The following BTBD9 variants were observed in gnomAD, a reference collection of about 807,000 sequenced individuals.
BTBD9 encodes BTB domain containing 9.
In BTBD9, 49 loss-of-function variants were observed where a neutral mutation model predicts 64.3. The observed-to-expected ratio is 0.76, with a 90% CI of 0.61 to 0.97. BTBD9 has a LOEUF of 0.97. Among genes scored for constraint, BTBD9 ranks in the 50% least tolerant of loss-of-function variants. The probability of loss-of-function intolerance (pLI) is 0.00; values close to 1 mark genes in which losing one functional copy is unlikely to be tolerated. For synonymous variants in BTBD9, 260 were observed against 274.7 expected, an observed-to-expected ratio of 0.95 and a Z score of 0.53; for missense variants, 598 against 762.1, an observed-to-expected ratio of 0.78 and a Z score of 2.53.
intron 6 of BTBD9, among the ~76,000 whole-genome samples, chr6:38,443,923 A>C (rs1189672542): frequency 6.6e-6 from 1 of 152,130 alleles, no homozygotes; most frequent in Non-Finnish European, 1.5e-5. Context: ...TGAAAGATAC[A>C]AATCTGCTTG....
chr6:38,221,528 T>G (rs545981117), intron 9 of BTBD9, among the ~76,000 whole-genome samples: 3 of 151,878 alleles, frequency 2.0e-5, no homozygotes. Flanking sequence ...GCCTGAGGAG[T>G]GCCGCCCGTC....
chr6:38,384,203 T>C (rs529650385), intron 6 of BTBD9, among the ~76,000 whole-genome samples: 11 of 152,326 alleles, frequency 7.2e-5, no homozygotes, highest in Admixed American at 2.0e-4. Context: ...TGATTCTTTC[T>C]GCGAAGTATC....
intron 9 of BTBD9, among the ~76,000 whole-genome samples, chr6:38,250,622 C>T (rs1931762): frequency 0.91 from 139,254 of 152,276 alleles, 63,821 homozygotes; most frequent in East Asian, 0.98. Context: ...CTATAAGTTA[C>T]AGAACAAAAA....
chr6:38,304,265 A>C (rs748874378), intron 7 of BTBD9, among the ~76,000 whole-genome samples: 1 of 151,980 alleles, frequency 6.6e-6, no homozygotes. Context: ...CATCAAAAGA[A>C]GGCTGGGTGT....
At chr6:38,534,293 C>A (rs1773920214) in intron 6 of BTBD9, among the ~76,000 whole-genome samples, 1 of 151,918 alleles carries the variant, frequency 6.6e-6, no homozygotes. Flanking sequence ...TCCCTAGACA[C>A]ATAAAACCTA....
chr6:38,616,253 A>C (rs1039144953), intron 1 of BTBD9, among the ~76,000 whole-genome samples: 5 of 152,244 alleles, frequency 3.3e-5, no homozygotes, highest in Non-Finnish European at 7.3e-5. Context: ...CCTGAGCCTC[A>C]GATGAGATTA....
chr6:38,465,135 TA>T (rs879729977), intron 6 of BTBD9, among the ~76,000 whole-genome samples: 15 of 148,732 alleles, frequency 1.0e-4, no homozygotes, highest in Non-Finnish European at 1.3e-4. Flanking sequence ...CTGCTAAAGT[TA>T]AAAAAAAAAT....
At chr6:38,401,375 C>A (rs1766921251) in intron 6 of BTBD9, among the ~76,000 whole-genome samples, 1 of 152,198 alleles carries the variant, frequency 6.6e-6, no homozygotes, top group Non-Finnish European at 1.5e-5. Context: ...CAATGTTAAA[C>A]CTCTTTCCTT....
intron 9 of BTBD9, among the ~76,000 whole-genome samples, chr6:38,205,796 A>T (rs1762620201): frequency 6.7e-6 from 1 of 149,582 alleles, no homozygotes; most frequent in Non-Finnish European, 1.5e-5. Flanking sequence ...AGGCATGAGA[A>T]TTGCTTGAAC....
intron 6 of BTBD9, among the ~76,000 whole-genome samples, chr6:38,383,431 G>A (rs567115697): frequency 6.6e-6 from 1 of 152,218 alleles, no homozygotes; most frequent in South Asian, 2.1e-4. Context: ...AATGATAGAA[G>A]CATTCCCTTT....
At chr6:38,489,344 G>A (rs531931597) in intron 6 of BTBD9, among the ~76,000 whole-genome samples, 39 of 152,304 alleles carry the variant, frequency 2.6e-4, no homozygotes, top group African/African-American at 8.9e-4. Flanking sequence ...GCACATGCCT[G>A]TAGCCCCAGC....
chr6:38,584,230 AG>A (rs1776412175), intron 4 of BTBD9, among the ~76,000 whole-genome samples: 1 of 152,212 alleles, frequency 6.6e-6, no homozygotes, highest in African/African-American at 2.4e-5. Flanking sequence ...TGGGCAGCCA[AG>A]GCAGGAGAAT....
intron 7 of BTBD9, among the ~76,000 whole-genome samples, chr6:38,309,952 C>T (rs1266849782): frequency 6.6e-6 from 1 of 152,112 alleles, no homozygotes; most frequent in Non-Finnish European, 1.5e-5. Flanking sequence ...TATGCTCCTA[C>T]AATCCCACTT....
chr6:38,579,632 A>G (rs1776201433), intron 5 of BTBD9, among the ~76,000 whole-genome samples: 1 of 152,244 alleles, frequency 6.6e-6, no homozygotes, highest in Admixed American at 6.5e-5. Flanking sequence ...ACACACTAAA[A>G]GACATTATTT....
At chr6:38,473,422 C>A (rs1370549171) in intron 6 of BTBD9, among the ~76,000 whole-genome samples, 1 of 152,172 alleles carries the variant, frequency 6.6e-6, no homozygotes, top group Non-Finnish European at 1.5e-5. Flanking sequence ...ATTCCACATG[C>A]CTAAAATTGG....
chr6:38,376,128 T>C (rs1051570427), intron 6 of BTBD9, among the ~76,000 whole-genome samples: 1 of 152,000 alleles, frequency 6.6e-6, no homozygotes, highest in Non-Finnish European at 1.5e-5. Flanking sequence ...AAAAGAAAAA[T>C]TGCCCATGTG....
chr6:38,585,938 C>CAGACCA (rs1776497389), intron 4 of BTBD9, among the ~76,000 whole-genome samples: 3 of 140,758 alleles, frequency 2.1e-5, no homozygotes, highest in Admixed American at 7.2e-5. Context: ...ACAGGACAGA[C>CAGACCA]CACACACACA....
chr6:38,585,249 G>T (rs1011986638), intron 4 of BTBD9, among the ~76,000 whole-genome samples: 10 of 152,108 alleles, frequency 6.6e-5, no homozygotes, highest in African/African-American at 2.4e-4. Context: ...AACTATAGTT[G>T]GGAAGATACA....
intron 6 of BTBD9, among the ~76,000 whole-genome samples, chr6:38,356,848 T>G (rs540669033): frequency 1.3e-5 from 2 of 152,170 alleles, no homozygotes; most frequent in Non-Finnish European, 2.9e-5. Flanking sequence ...TTCTAACCCT[T>G]GCATGGAAGA....
Sources: gnomAD v4.1 joint callset for allele counts (sites outside exome capture counted in the v4.1 genomes callset) on GRCh38, gnomAD v4.1.1 for gene constraint, MANE v1.5 for transcripts, NCBI Gene and HGNC (gene_info 2026-07-23, HGNC 2026-07-21) for gene names.